The following SPINK9 variants were observed in gnomAD, a reference collection of about 807,000 sequenced individuals.
SPINK9 encodes serine peptidase inhibitor Kazal type 9, also known as serine protease inhibitor Kazal-type 9.
In SPINK9, 3 loss-of-function variants were observed where a neutral mutation model predicts 10.8. The observed-to-expected ratio is 0.28, with a 90% CI of 0.13 to 0.72. The LOEUF (loss-of-function observed/expected upper bound fraction) is 0.72, where lower values mean the gene tolerates loss of function less well. SPINK9 is among the 30% of genes least tolerant of loss of function. The probability of loss-of-function intolerance (pLI) is 0.74; values close to 1 mark genes in which losing one functional copy is unlikely to be tolerated. For synonymous variants in SPINK9, 30 were observed against 31.2 expected (o/e 0.96, Z 0.12); for missense variants, 101 against 103.2 (o/e 0.98, Z 0.09).
upstream of SPINK9, among the ~76,000 whole-genome samples, chr5:148,331,369 C>T (rs552701799): frequency 6.6e-6 from 1 of 152,250 alleles, no homozygotes; most frequent in East Asian, 1.9e-4. Flanking sequence ...AAACCAAGCA[C>T]AGAAAGACAA....
chr5:148,336,285 T>C (rs1757216147), intron 1 of SPINK9, 137 bp from the exon 2 acceptor site: 2 of 882,422 alleles, frequency 2.3e-6, no homozygotes, highest in Non-Finnish European at 3.6e-6. Flanking sequence ...TTTGATACAA[T>C]GCTGATACAC....
upstream of SPINK9, among the ~76,000 whole-genome samples, chr5:148,332,960 A>T (rs2065290279): frequency 1.3e-5 from 2 of 152,138 alleles, no homozygotes. Context: ...TAATTTAAAG[A>T]TGAGTCTTAA....
chr5:148,327,527 A>G (rs1470378018), intron 2 of SPINK9, among the ~76,000 whole-genome samples: 1 of 152,148 alleles, frequency 6.6e-6, no homozygotes, highest in African/African-American at 2.4e-5. Flanking sequence ...CCATTTGTCA[A>G]TTTTGGCTTT....
chr5:148,326,620 C>G (rs1293111406), intron 2 of SPINK9, among the ~76,000 whole-genome samples: 1 of 152,094 alleles, frequency 6.6e-6, no homozygotes, highest in Admixed American at 6.5e-5. Context: ...CCCATTAACT[C>G]GTCATTTAGC....
intron 1 of SPINK9, 68 bp from the exon 2 acceptor site, chr5:148,336,354 G>T: frequency 6.6e-7 from 1 of 1,518,450 alleles, no homozygotes. Flanking sequence ...ATAAATCAAA[G>T]ATTCTTTTTC....
Position 148,338,506 on chromosome 5 carries a change from CACCAGGACA to C in SPINK9, c.119_127del (p.Pro40_Gln42del), listed in dbSNP as rs1293084926. The C allele has an allele frequency of 1.2e-6, 2 of 1,602,618 alleles. No individual in the cohort carries two copies. The highest frequency in any genetic ancestry group is 2.3e-5 in the South Asian group (2 of 88,634). Reference sequence around the variant, plus strand: ...GACTGCAGTCATTATAAAAAGTTACCACCAGGACAACAGAGATTTTGTCATCATATGTAT... The same window carrying C: ...GACTGCAGTCATTATAAAAAGTTACCACAGAGATTTTGTCATCATATGTAT... On this transcript the variant is annotated inframe_deletion, in exon 3 of 4. Transcript: ENST00000377906.
chr5:148,326,416 G>T (rs1011176504), intron 2 of SPINK9, among the ~76,000 whole-genome samples: 5 of 152,236 alleles, frequency 3.3e-5, no homozygotes, highest in South Asian at 2.1e-4. Flanking sequence ...AACTGAAACT[G>T]GTAGTCAACG....
chr5:148,328,458 T>G (rs980609453), intron 2 of SPINK9, among the ~76,000 whole-genome samples: 1 of 152,206 alleles, frequency 6.6e-6, no homozygotes, highest in Non-Finnish European at 1.5e-5. Context: ...ACAGGGACAA[T>G]TTGACTTCCT....
At chr5:148,331,472 G>A (rs905442421), upstream of SPINK9, among the ~76,000 whole-genome samples, 3 of 152,194 alleles carry the variant, frequency 2.0e-5, no homozygotes, top group Admixed American at 6.5e-5. Flanking sequence ...GAAGCTATGG[G>A]TCGGGAAGTG....
upstream of SPINK9, chr5:148,335,412 A>G: frequency 2.0e-6 from 1 of 511,696 alleles, no homozygotes; most frequent in Non-Finnish European, 3.5e-6. Context: ...GGCATGTGCA[A>G]TTACCTGTCT....
intron 2 of SPINK9, among the ~76,000 whole-genome samples, chr5:148,330,420 C>T (rs1757132864): frequency 1.3e-5 from 2 of 152,258 alleles, no homozygotes; most frequent in South Asian, 4.1e-4. Flanking sequence ...AGATGGGTTT[C>T]CTGAATACAG....
Position 148,326,748 on chromosome 5 carries a change from G to A in SPINK9, c.118+2880G>A, listed in dbSNP as rs1360627384. Among the ~76,000 whole-genome samples the A allele has an allele frequency of 3.9e-5, 6 of 151,944 alleles. 1 individual carries two copies. Among genetic ancestry groups the A allele is most frequent in the Admixed American group, 3.3e-4 (5 of 15,248 alleles). ...CTCATTGTTCAATTCCCACCTATGA[G>A]TGAGAACATGCGGTGTTTGGTTTTT... On this transcript the variant is annotated intron_variant, in intron 2 of 4. Coordinates refer to the SPINK9 transcript ENST00000511717.
intron 1 of SPINK9, among the ~76,000 whole-genome samples, chr5:148,323,255 C>T (rs1463616760): frequency 6.6e-6 from 1 of 151,924 alleles, no homozygotes; most frequent in East Asian, 1.9e-4. Context: ...CTTTAGGTTA[C>T]AAAGTTAACA....
intron 3 of SPINK9, 91 bp downstream of exon 3, chr5:148,338,696 G>A (rs1248476277): frequency 1.0e-6 from 1 of 989,202 alleles, no homozygotes; most frequent in Non-Finnish European, 1.5e-6. Flanking sequence ...TAAGGAATAT[G>A]TGAATCATAT....
chr5:148,327,131 C>T (rs1757073456), intron 2 of SPINK9, among the ~76,000 whole-genome samples: 1 of 152,190 alleles, frequency 6.6e-6, no homozygotes, highest in Non-Finnish European at 1.5e-5. Context: ...GTCCCACCAA[C>T]AGTGTAAGTT....
chr5:148,321,477 T>C (rs1457145807), intron 1 of SPINK9: 9 of 149,720 alleles, frequency 6.0e-5, no homozygotes, highest in Non-Finnish European at 1.3e-4. Flanking sequence ...TGTGATAGGA[T>C]GGACTGGTGC....
chr5:148,323,650 A>G, intron 1 of SPINK9: 1 of 532,394 alleles, frequency 1.9e-6, no homozygotes, highest in East Asian at 3.0e-5. Context: ...TGTGAAGTAA[A>G]TTTGTTTTTA....
intron 2 of SPINK9, among the ~76,000 whole-genome samples, chr5:148,325,682 TTC>T (rs754562774): frequency 1.3e-5 from 2 of 152,152 alleles, no homozygotes; most frequent in African/African-American, 2.4e-5. Flanking sequence ...TGCAAATATT[TTC>T]TCTCATTCTG....
chr5:148,324,511 G>C (rs1383237745), intron 2 of SPINK9, among the ~76,000 whole-genome samples: 1 of 151,922 alleles, frequency 6.6e-6, no homozygotes, highest in Non-Finnish European at 1.5e-5. Flanking sequence ...ACAATATGCA[G>C]AACACAGAAT....
Sources: gnomAD v4.1 joint callset for allele counts (sites outside exome capture counted in the v4.1 genomes callset) on GRCh38, gnomAD v4.1.1 for gene constraint, MANE v1.5 for transcripts, NCBI Gene and HGNC (gene_info 2026-07-23, HGNC 2026-07-21) for gene names.